Variants in OSBPL10 observed in about 807,000 individuals in gnomAD.
OSBPL10 encodes oxysterol-binding protein-related protein 10.
In OSBPL10, 49 loss-of-function variants were observed where a neutral mutation model predicts 81.7. The ratio of observed to expected loss-of-function variants is 0.60; its 90% CI spans 0.48 to 0.76. OSBPL10 has a LOEUF of 0.76. Ranked by LOEUF, OSBPL10 falls within the 30% of genes least tolerant of loss-of-function variation. OSBPL10 has a pLI of 0.00. For synonymous variants in OSBPL10, 419 were observed against 383.6 expected, an observed-to-expected ratio of 1.09 and a Z score of -1.08; for missense variants, 923 against 987.8, an observed-to-expected ratio of 0.93 and a Z score of 0.88.
intron 1 of OSBPL10, among the ~76,000 whole-genome samples, chr3:32,060,753 C>T (rs1206169313): frequency 1.1e-5 from 1 of 90,248 alleles, no homozygotes; most frequent in African/African-American, 2.8e-5. Flanking sequence ...GTCGGGAGTT[C>T]GCAACCACCC....
At chr3:31,675,912 C>T (rs1700459694) in intron 8 of OSBPL10, among the ~76,000 whole-genome samples, 1 of 145,290 alleles carries the variant, frequency 6.9e-6, no homozygotes, top group Non-Finnish European at 1.5e-5. Context: ...CGCCACTGCA[C>T]TGCAGCCTGG....
intron 4 of OSBPL10, among the ~76,000 whole-genome samples, chr3:31,784,330 T>G (rs1472342326): frequency 1.3e-5 from 2 of 148,518 alleles, no homozygotes; most frequent in African/African-American, 5.0e-5. Context: ...GCCACTGCAC[T>G]CCAGCCTGGG....
intron 4 of OSBPL10, among the ~76,000 whole-genome samples, chr3:31,759,192 C>A (rs756027248): frequency 9.2e-5 from 14 of 152,184 alleles, no homozygotes; most frequent in Non-Finnish European, 1.9e-4. Context: ...GAAAATGCCA[C>A]TGTCCAACAG....
intron 3 of OSBPL10, among the ~76,000 whole-genome samples, chr3:31,845,446 C>A (rs34263130): frequency 0.42 from 63,300 of 152,024 alleles, 13,913 homozygotes; most frequent in South Asian, 0.6. Context: ...TGTTAAAGTG[C>A]TTGTTGTAGA....
At chr3:31,886,675 A>T (rs187309236) in intron 1 of OSBPL10, among the ~76,000 whole-genome samples, 2,470 of 152,194 alleles carry the variant, frequency 0.016, 64 homozygotes, top group African/African-American at 0.056. Flanking sequence ...GATGCGGTGG[A>T]TCACGCCTGT....
intron 7 of OSBPL10, among the ~76,000 whole-genome samples, chr3:31,690,335 A>G (rs919385704): frequency 1.3e-5 from 2 of 151,882 alleles, no homozygotes; most frequent in African/African-American, 4.8e-5. Flanking sequence ...CCATGATTGT[A>G]AGTTTCCTGA....
intron 7 of OSBPL10, among the ~76,000 whole-genome samples, chr3:31,685,474 G>A (rs76280057): frequency 0.011 from 1,746 of 152,250 alleles, 12 homozygotes; most frequent in Non-Finnish European, 0.018. Flanking sequence ...AACAGTTATC[G>A]GGTATTAATA....
intron 7 of OSBPL10, among the ~76,000 whole-genome samples, chr3:31,689,025 T>C (rs919758380): frequency 6.6e-6 from 1 of 152,202 alleles, no homozygotes; most frequent in Admixed American, 6.5e-5. Context: ...CATCTTCCTC[T>C]TCTCTTTATC....
chr3:31,969,916 G>T (rs1698507015), intron 1 of OSBPL10, among the ~76,000 whole-genome samples: 2 of 151,342 alleles, frequency 1.3e-5, no homozygotes, highest in East Asian at 3.9e-4. Flanking sequence ...GCCATGGAGA[G>T]AAAGAGTATG....
intron 6 of OSBPL10, chr3:31,711,039 CT>C (rs1330181587): frequency 2.6e-5 from 4 of 152,222 alleles, no homozygotes; most frequent in African/African-American, 9.7e-5. Context: ...GTACATGGAT[CT>C]TTCTTTCTCC....
Position 31,965,520 on chromosome 3 carries a change from AAC to A in OSBPL10, c.281+15377_281+15378del, listed in dbSNP as rs1468325200. ...TAATATATAAAATAGATAATATATA[AAC>A]TATTATATTATATAAATTATATATT... On this transcript the variant is annotated intron_variant, in intron 1 of 11. Transcript: ENST00000396556. 8.8e-5 allele frequency among the ~76,000 whole-genome samples: 7 copies of A among 79,560 alleles called. 2 individuals are homozygous for A. Among genetic ancestry groups the A allele is most frequent in the East Asian group, 3.4e-4 (1 of 2,972 alleles). The allele number at this position is 79,560 out of a possible 152,430, so 52.2% of individuals were successfully genotyped here. A position where few individuals can be genotyped will look rare whatever the true frequency, so the allele number is the denominator to read the frequency against.
chr3:31,926,289 G>GCCCCC (rs36122261), intron 1 of OSBPL10, among the ~76,000 whole-genome samples: 14,685 of 129,588 alleles, frequency 0.11, 1,498 homozygotes, highest in Middle Eastern at 0.24. Context: ...GGGTGATTTT[G>GCCCCC]CCCCCCCAGA....
intron 1 of OSBPL10, among the ~76,000 whole-genome samples, chr3:32,062,234 A>T (rs1016852860): frequency 2.1e-5 from 2 of 93,440 alleles, no homozygotes; most frequent in Non-Finnish European, 5.7e-5. Flanking sequence ...CCTCCCAAGT[A>T]GCTGGGAATA....
rs544106861 is a variant in OSBPL10, at chr3:31,849,014, G to T, written c.538-18783C>A. ...CTGAATCTGGCTGGCTGTGTCATTT[G>T]CTCTGACCAAGAGACTGTGATCAAA... is the stretch of plus-strand genomic sequence containing the variant. On this transcript the variant is annotated intron_variant, in intron 3 of 11. Transcript: ENST00000396556. Among the ~76,000 whole-genome samples the T allele has an allele frequency of 3.7e-4, 57 of 152,298 alleles. 1 individual carries two copies. The highest frequency in any genetic ancestry group is 1.3e-3 in the African/African-American group (56 of 41,562).
At chr3:31,965,238 T>C (rs934752436) in intron 1 of OSBPL10, among the ~76,000 whole-genome samples, 12 of 150,206 alleles carry the variant, frequency 8.0e-5, no homozygotes, top group Admixed American at 2.0e-4. Flanking sequence ...GGCGTGGTGG[T>C]GGGCACCTGT....
chr3:31,942,164 A>C (rs1559526506), intron 1 of OSBPL10, among the ~76,000 whole-genome samples: 1 of 152,068 alleles, frequency 6.6e-6, no homozygotes, highest in African/African-American at 2.4e-5. Flanking sequence ...AGTCCCAACT[A>C]CTCGGGAGGC....
chr3:31,751,043 C>T lies in OSBPL10; in HGVS notation c.730-2923G>A, dbSNP rs535055018. Among the ~76,000 whole-genome samples the T allele has an allele frequency of 3.9e-5, 6 of 152,214 alleles. No homozygotes were observed. The South Asian group carries it at 8.3e-4, about 21-fold the overall frequency. On this transcript the variant is annotated intron_variant, in intron 4 of 11. Coordinates refer to ENST00000396556, the MANE Select transcript of OSBPL10 (RefSeq NM_017784.5). The stretch of plus-strand genomic sequence containing the variant: ...CATTCAGGCCAGGCGTGGTGGTTCA[C>T]GCCTGTAATCCCAGCACTTTGGGAG...
At chr3:31,889,244 A>G (rs1443387106) in intron 1 of OSBPL10, among the ~76,000 whole-genome samples, 1 of 152,150 alleles carries the variant, frequency 6.6e-6, no homozygotes, top group East Asian at 1.9e-4. Flanking sequence ...CAGTATGAAT[A>G]CTCTTCAAAG....
intron 1 of OSBPL10, among the ~76,000 whole-genome samples, chr3:31,979,969 TTTTC>T (rs1334214221): frequency 1.7e-4 from 25 of 151,300 alleles, no homozygotes; most frequent in Admixed American, 4.6e-4. Context: ...GGAGGGTATT[TTTTC>T]TTTCTTTTTA....
Sources: gnomAD v4.1 joint callset for allele counts (sites outside exome capture counted in the v4.1 genomes callset) on GRCh38, gnomAD v4.1.1 for gene constraint, MANE v1.5 for transcripts, NCBI Gene and HGNC (gene_info 2026-07-23, HGNC 2026-07-21) for gene names.